The following SGCD variants were observed in gnomAD, a reference collection of about 807,000 sequenced individuals.
SGCD encodes delta-sarcoglycan.
Under a neutral mutation model 36.6 loss-of-function variants are expected in SGCD, and 18 were observed. The ratio of observed to expected loss-of-function variants is 0.49; its 90% CI spans 0.34 to 0.73. SGCD has a LOEUF of 0.73. SGCD is among the 30% of genes least tolerant of loss of function. The pLI is 0.01. For missense variants in SGCD, 387 were observed against 346.7 expected, an observed-to-expected ratio of 1.12 and a Z score of -0.92; for synonymous variants, 133 against 130.6, an observed-to-expected ratio of 1.02 and a Z score of -0.12.
chr5:155,889,284 A>T (rs894420614), intron 1 of SGCD, among the ~76,000 whole-genome samples: 1 of 152,158 alleles, frequency 6.6e-6, no homozygotes, highest in Non-Finnish European at 1.5e-5. Flanking sequence ...AATTCAAAAA[A>T]ATGATTTTTT....
intron 4 of SGCD, among the ~76,000 whole-genome samples, chr5:156,536,623 G>T (rs1194157226): frequency 6.6e-6 from 1 of 151,072 alleles, no homozygotes; most frequent in Non-Finnish European, 1.5e-5. Flanking sequence ...TTGTTTTTTG[G>T]CAGAGGTTAT....
chr5:156,209,347 G>A (rs758614367), intron 3 of SGCD, among the ~76,000 whole-genome samples: 2 of 152,144 alleles, frequency 1.3e-5, no homozygotes, highest in Non-Finnish European at 2.9e-5. Context: ...TAGTCATCAG[G>A]CTAGCTATTA....
Position 156,759,300 on chromosome 5 carries a change from C to T in SGCD, c.783C>T (p.Phe261=), listed in dbSNP as rs768741617. 14 of 1,613,382 alleles carry T rather than the reference C, an allele frequency of 8.7e-6. No individual in the cohort carries two copies. Among genetic ancestry groups the T allele is most frequent in the African/African-American group, 1.3e-5 (1 of 74,906 alleles). Residue 261 remains phenylalanine (F), a synonymous_variant, in exon 9 of 9, where the codon TTC becomes TTT. Transcript: ENST00000337851. ...YTPTGTRQKV[F]EICVCANGRL... ...CTACAGGAACGAGGCAGAAGGTCTT[C>T]GAGATCTGCGTCTGCGCCAATGGGA...
At chr5:156,226,052 G>T (rs1764847894) in intron 3 of SGCD, among the ~76,000 whole-genome samples, 1 of 151,986 alleles carries the variant, frequency 6.6e-6, no homozygotes, top group African/African-American at 2.4e-5. Context: ...TTTTATCTTT[G>T]TTTGCTTCTT....
At chr5:155,787,752 A>G in the SGCD span, among the ~76,000 whole-genome samples, 1 of 152,038 alleles carries the variant, frequency 6.6e-6, no homozygotes, top group South Asian at 2.1e-4. Flanking sequence ...TGGCACCGGA[A>G]CACCCATCTA....
At chr5:156,439,738 G>C (rs921205110) in intron 3 of SGCD, among the ~76,000 whole-genome samples, 1 of 152,130 alleles carries the variant, frequency 6.6e-6, no homozygotes, top group Non-Finnish European at 1.5e-5. Flanking sequence ...CTCTTGAAAA[G>C]CAATGCATAG....
intron 3 of SGCD, among the ~76,000 whole-genome samples, chr5:156,398,909 G>C (rs1772001056): frequency 6.6e-6 from 1 of 152,126 alleles, no homozygotes; most frequent in South Asian, 2.1e-4. Context: ...TTAAACTCCA[G>C]TTCCTCAGTC....
At chr5:156,470,222 G>A (rs544456699) in intron 3 of SGCD, among the ~76,000 whole-genome samples, 52 of 152,166 alleles carry the variant, frequency 3.4e-4, no homozygotes, top group African/African-American at 1.2e-3. Flanking sequence ...TATATTCACC[G>A]TTAGCTTCTC....
intron 1 of SGCD, among the ~76,000 whole-genome samples, chr5:155,900,358 G>T (rs1400062208): frequency 6.6e-6 from 1 of 151,804 alleles, no homozygotes; most frequent in African/African-American, 2.4e-5. Flanking sequence ...AAAAACAATA[G>T]CAGCAAGATA....
intron 3 of SGCD, among the ~76,000 whole-genome samples, chr5:156,228,942 G>A (rs2127649728): frequency 1.4e-5 from 2 of 147,294 alleles, no homozygotes; most frequent in East Asian, 3.9e-4. Flanking sequence ...ATTAACATTT[G>A]AATCAGTGGC....
At chr5:156,366,406 G>T (rs982680560) in intron 3 of SGCD, among the ~76,000 whole-genome samples, 1 of 152,100 alleles carries the variant, frequency 6.6e-6, no homozygotes, top group Admixed American at 6.6e-5. Context: ...TAGATAGAAA[G>T]ATTTTAAAAT....
At chr5:156,605,402 A>G (rs9885282) in intron 6 of SGCD, among the ~76,000 whole-genome samples, 40,343 of 152,044 alleles carry the variant, frequency 0.27, 5,431 homozygotes, top group East Asian at 0.31. Context: ...ATGGCTGCAT[A>G]GTATTCTATG....
chr5:156,693,627 A>G (rs1239918651), intron 7 of SGCD, among the ~76,000 whole-genome samples: 1 of 152,136 alleles, frequency 6.6e-6, no homozygotes, highest in East Asian at 1.9e-4. Context: ...AGTGATGAAA[A>G]GGAAATTGTT....
chr5:155,917,809 C>CTT (rs112340696), intron 1 of SGCD, among the ~76,000 whole-genome samples: 1 of 149,948 alleles, frequency 6.7e-6, no homozygotes, highest in African/African-American at 2.5e-5. Flanking sequence ...AGTTCTATTT[C>CTT]TTTTTTTTTT....
At chr5:156,564,223 G>A (rs1759383830) in intron 4 of SGCD, among the ~76,000 whole-genome samples, 1 of 152,168 alleles carries the variant, frequency 6.6e-6, no homozygotes, top group African/African-American at 2.4e-5. Context: ...GCCGAGGCAG[G>A]CTGATCACAA....
chr5:156,396,913 T>C (rs1273587645), intron 3 of SGCD, among the ~76,000 whole-genome samples: 1 of 152,234 alleles, frequency 6.6e-6, no homozygotes, highest in East Asian at 1.9e-4. Flanking sequence ...TCAGTCCCAG[T>C]ACTCTGACTC....
At chr5:155,830,995 T>C in the SGCD span, among the ~76,000 whole-genome samples, 2 of 152,234 alleles carry the variant, frequency 1.3e-5, no homozygotes, top group Non-Finnish European at 2.9e-5. Context: ...ACGTGTTAGA[T>C]GCTCTCTGAA....
intron 1 of SGCD, among the ~76,000 whole-genome samples, chr5:155,915,117 A>G (rs1429855902): frequency 2.6e-5 from 4 of 152,144 alleles, no homozygotes; most frequent in Non-Finnish European, 5.9e-5. Flanking sequence ...AATGAAAGGG[A>G]TACATATAAA....
intron 3 of SGCD, among the ~76,000 whole-genome samples, chr5:156,251,284 T>C (rs1234219675): frequency 6.6e-6 from 1 of 152,136 alleles, no homozygotes; most frequent in Non-Finnish European, 1.5e-5. Flanking sequence ...TAATTGTTTT[T>C]AGAAAGGAAG....
Sources: gnomAD v4.1 joint callset for allele counts (sites outside exome capture counted in the v4.1 genomes callset) on GRCh38, gnomAD v4.1.1 for gene constraint, MANE v1.5 for transcripts, NCBI Gene and HGNC (gene_info 2026-07-23, HGNC 2026-07-21) for gene names.